The following LAMC3 variants were observed in gnomAD, a reference collection of about 807,000 sequenced individuals.
LAMC3 encodes laminin subunit gamma-3.
In LAMC3, 128 loss-of-function variants were observed where a neutral mutation model predicts 173.8. The observed-to-expected ratio is 0.74, with a 90% CI of 0.64 to 0.85. The LOEUF (loss-of-function observed/expected upper bound fraction) is 0.85, where lower values mean the gene tolerates loss of function less well. Ranked by LOEUF, LAMC3 falls within the 40% of genes least tolerant of loss-of-function variation. LAMC3 has a pLI of 0.00. For synonymous variants in LAMC3, 897 were observed against 909.1 expected (o/e 0.99, Z 0.24); for missense variants, 2,022 against 2,156.0 (o/e 0.94, Z 1.23).
intron 1 of LAMC3, chr9:131,021,267 A>G (rs962741773): frequency 1.3e-5 from 2 of 152,216 alleles, no homozygotes; most frequent in Non-Finnish European, 2.9e-5. Flanking sequence ...TGGAAACCTT[A>G]GCAGACAGTA....
intron 22 of LAMC3, among the ~76,000 whole-genome samples, chr9:131,078,843 G>A (rs1047272980): frequency 8.5e-5 from 13 of 152,222 alleles, no homozygotes; most frequent in Non-Finnish European, 1.5e-5. Context: ...AGGCCACGCA[G>A]CTAGAAATTG....
chr9:131,055,585 C>T (rs569128491), intron 11 of LAMC3, among the ~76,000 whole-genome samples: 49 of 151,634 alleles, frequency 3.2e-4, no homozygotes, highest in East Asian at 9.7e-4. Context: ...CCACCACGCC[C>T]GGCTAATTTT....
chr9:131,032,437 T>TCCTC (rs962434842), intron 3 of LAMC3, among the ~76,000 whole-genome samples: 34 of 150,992 alleles, frequency 2.3e-4, no homozygotes, highest in South Asian at 6.3e-4. Context: ...GTTCCTTCCT[T>TCCTC]CCTCCCTCCC....
rs916658153 is a variant in LAMC3 at position 131,029,234 on chromosome 9, G to C, written c.678+2645G>C. Among the ~76,000 whole-genome samples the C allele has an allele frequency of 4.6e-5, 7 of 152,236 alleles. No homozygotes were observed. The highest frequency in any genetic ancestry group is 7.3e-5 in the Non-Finnish European group (5 of 68,040). On this transcript the variant is annotated intron_variant, in intron 2 of 27. Transcript: ENST00000361069. This position sits in a 1 kb window ranked among gnomAD's most constrained non-coding sequence, Gnocchi z 4.6. ...GGCAAGCCGAATCCTTTATCACACA[G>C]TACCACATCTCTAGACGTCCAGGCC...
chr9:131,082,526 T>TG (rs1830260228), intron 24 of LAMC3, among the ~76,000 whole-genome samples: 1 of 152,192 alleles, frequency 6.6e-6, no homozygotes, highest in Admixed American at 6.5e-5. Context: ...AATGTTGAGT[T>TG]GGGGCTATGG....
chr9:131,028,577 G>A (rs752313097), intron 2 of LAMC3, among the ~76,000 whole-genome samples: 2 of 152,174 alleles, frequency 1.3e-5, no homozygotes, highest in Non-Finnish European at 2.9e-5. Context: ...TTAGTGGTTC[G>A]CTATAAGGAC....
chr9:131,060,122 G>A (rs1829779006), intron 12 of LAMC3, among the ~76,000 whole-genome samples: 1 of 152,156 alleles, frequency 6.6e-6, no homozygotes, highest in Non-Finnish European at 1.5e-5. Context: ...GGAGCCAGAG[G>A]GCAGGAACAG....
At chr9:131,072,574 G>A in intron 18 of LAMC3, 56 bp from the exon 19 acceptor site, 1 of 1,468,508 alleles carries the variant, frequency 6.8e-7, no homozygotes, top group Non-Finnish European at 9.4e-7. Flanking sequence ...GGGGGTGGGG[G>A]CTTTTGTGTG....
intron 20 of LAMC3, 54 bp from the exon 21 acceptor site, chr9:131,075,777 T>C: frequency 1.3e-6 from 2 of 1,569,554 alleles, no homozygotes; most frequent in South Asian, 1.2e-5. Flanking sequence ...GTTCTGATCC[T>C]GGGCCCCTTC....
In LAMC3 at chr9:131,081,940, G is replaced by A. The variant is rs555240257; in HGVS notation, c.3928-119G>A. 419 of 727,212 alleles carry A rather than the reference G, an allele frequency of 5.8e-4. 2 individuals carry two copies. The highest frequency in any genetic ancestry group is 8.0e-4 in the Non-Finnish European group (322 of 404,568). 45.0% of individuals were successfully genotyped at this position (727,212 alleles called of 1,614,324 possible). On this transcript the variant is annotated intron_variant, in intron 23 of 27. Transcript: ENST00000361069. Reference sequence around the variant, plus strand: ...TGCTCCTGGTGGACAGCGTGACCCAGCGTCAGGGATTTGGTGATGATTTGG... The same window carrying A: ...TGCTCCTGGTGGACAGCGTGACCCAACGTCAGGGATTTGGTGATGATTTGG...
At chr9:131,037,996 C>T (rs779417850) in intron 4 of LAMC3, among the ~76,000 whole-genome samples, 3 of 152,242 alleles carry the variant, frequency 2.0e-5, no homozygotes, top group Non-Finnish European at 4.4e-5. Context: ...CATCACACGA[C>T]ATGCCGTCTG....
At chr9:131,054,365 A>G (rs1052974567) in intron 11 of LAMC3, among the ~76,000 whole-genome samples, 7 of 151,938 alleles carry the variant, frequency 4.6e-5, no homozygotes, top group Admixed American at 2.6e-4. Context: ...CAATCCCCAA[A>G]CTTCCTCTTT....
At position 131,052,607 on chromosome 9, in the gene LAMC3, G is replaced by A. The variant is rs760164373; in HGVS notation, c.1747G>A (p.Ala583Thr). ...VQLRLEGTGL[A>T]LSLRHSSLSG... ...GCTGAGGCTGGAAGGGACAGGCTTG[G>A]CCCTGTCCCTGAGGCACTCTAGCCT... Residue 583 changes from alanine (A) to threonine (T), a missense_variant, in exon 10 of 28, where the codon GCC becomes ACC. Coordinates refer to ENST00000361069, the MANE Select transcript of LAMC3 (RefSeq NM_006059.4). The A allele has an allele frequency of 2.5e-6, 4 of 1,613,728 alleles. No homozygotes were observed. In the South Asian group the frequency reaches 4.4e-5, roughly 18 times the overall value.
chr9:131,039,372 C>A, intron 6 of LAMC3, 124 bp downstream of exon 6: 1 of 807,060 alleles, frequency 1.2e-6, no homozygotes, highest in Admixed American at 2.0e-5. Context: ...CGCCCTAATC[C>A]TGGTGAAGAC....
intron 15 of LAMC3, among the ~76,000 whole-genome samples, chr9:131,068,477 G>A (rs1829981193): frequency 6.6e-6 from 1 of 152,186 alleles, no homozygotes; most frequent in Admixed American, 6.5e-5. Context: ...GGCCGGTTTG[G>A]TCTCTGATTC....
Position 131,012,048 on chromosome 9 carries a change from A to AACACAC in LAMC3, c.373+2469_373+2474dup, listed in dbSNP as rs3837236. 3.4e-3 allele frequency among the ~76,000 whole-genome samples: 471 copies of AACACAC among 138,212 alleles called. 2 individuals carry two copies. The highest frequency in any genetic ancestry group is 0.023 in the Middle Eastern group (6 of 262). 90.7% of individuals were successfully genotyped at this position (138,212 alleles called of 152,430 possible). ...CTCCACACTGTGAATGTAGAGAGCGAACACACACACACATACACACACACA... is the reference window on the plus strand; with the variant it reads ...CTCCACACTGTGAATGTAGAGAGCGAACACACACACACACACACATACACACACACA... On this transcript the variant is annotated intron_variant, in intron 1 of 27. Transcript: ENST00000361069.
chr9:131,033,211 G>A (rs1265218117), intron 3 of LAMC3, among the ~76,000 whole-genome samples: 5 of 152,246 alleles, frequency 3.3e-5, no homozygotes, highest in Non-Finnish European at 7.3e-5. Context: ...TGGGTGCCCA[G>A]GGAGGGCTGT....
chr9:131,049,177 C>T (rs775316220), intron 9 of LAMC3, 47 bp downstream of exon 9: 1 of 1,106,836 alleles, frequency 9.0e-7, no homozygotes, highest in South Asian at 1.3e-5. Flanking sequence ...GTCGGTTCCT[C>T]CTGCTGCTAA....
intron 25 of LAMC3, among the ~76,000 whole-genome samples, chr9:131,086,587 T>TTTTTTTTTTTTTTTTC (rs1830336041): frequency 6.9e-6 from 1 of 145,250 alleles, no homozygotes; most frequent in Non-Finnish European, 1.5e-5. Flanking sequence ...TTTTTTTTTT[T>TTTTTTTTTTTTTTTTC]GCAGAGATGA....
Sources: allele counts gnomAD v4.1 joint callset (sites outside exome capture counted in the v4.1 genomes callset), GRCh38; gene constraint gnomAD v4.1.1; non-coding constraint Gnocchi (gnomAD v3.1); transcripts MANE v1.5; gene names NCBI Gene and HGNC (gene_info 2026-07-23, HGNC 2026-07-21).